The following DMBT1 variants were observed in gnomAD, a reference collection of about 807,000 sequenced individuals.
The protein encoded by DMBT1 is scavenger receptor cysteine-rich domain-containing protein DMBT1.
DMBT1 carries 198 observed loss-of-function variants against 252.9 expected under a neutral mutation model. The observed-to-expected ratio is 0.78, with a 90% CI of 0.70 to 0.88. The LOEUF (loss-of-function observed/expected upper bound fraction) is 0.88. Among genes scored for constraint, DMBT1 ranks in the 40% least tolerant of loss-of-function variants. The probability of loss-of-function intolerance (pLI) is 0.00; values close to 1 mark genes in which losing one functional copy is unlikely to be tolerated. For missense variants in DMBT1, 2,432 were observed against 2,404.7 expected (o/e 1.01, Z -0.24); for synonymous variants, 990 against 942.7 (o/e 1.05, Z -0.92).
intron 7 of DMBT1, 22 bp from the exon 8 acceptor site, chr10:122,577,789 T>C (rs748940652): frequency 3.1e-6 from 5 of 1,613,448 alleles, no homozygotes; most frequent in Non-Finnish European, 4.2e-6. Flanking sequence ...TGGTGTCTAA[T>C]GTTGCTATTT....
intron 27 of DMBT1, 142 bp downstream of exon 27, chr10:122,600,235 G>A: frequency 7.8e-7 from 1 of 1,285,620 alleles, no homozygotes; most frequent in Non-Finnish European, 1.1e-6. Context: ...TTGTGTAACT[G>A]AGACCCCAGC....
intron 46 of DMBT1, 77 bp downstream of exon 46, chr10:122,626,042 C>T: frequency 8.3e-7 from 1 of 1,206,686 alleles, no homozygotes; most frequent in Non-Finnish European, 1.2e-6. Flanking sequence ...TGAGCGAATG[C>T]TCTGCCCCAC....
At chr10:122,561,970 T>A (rs1211571221) in intron 1 of DMBT1, among the ~76,000 whole-genome samples, 1 of 152,024 alleles carries the variant, frequency 6.6e-6, no homozygotes, top group Non-Finnish European at 1.5e-5. Flanking sequence ...TCTCTCTATC[T>A]GTTTCTCTTC....
chr10:122,631,995 T>A, intron 50 of DMBT1, 120 bp downstream of exon 50: 1 of 1,170,904 alleles, frequency 8.5e-7, no homozygotes, highest in Non-Finnish European at 1.3e-6. Context: ...TACCATCCTC[T>A]ACAGCCCCTG....
chr10:122,570,938 G>A lies in DMBT1; in HGVS notation c.187+1G>A. On this transcript the variant is annotated splice_donor_variant, in intron 4 of 55. Transcript: ENST00000338354. LOFTEE classifies it high-confidence loss of function. Reference sequence around the variant, plus strand: ...ACCCTGGAGTCAACTGTAGCAGAAGGTAACGTCTACTATGGGGGATCCCTG... The same window carrying A: ...ACCCTGGAGTCAACTGTAGCAGAAGATAACGTCTACTATGGGGGATCCCTG... 6.2e-7 allele frequency: 1 copy of A among 1,613,020 alleles called. No homozygotes were observed. The highest frequency in any genetic ancestry group is 8.5e-7 in the Non-Finnish European group (1 of 1,179,054).
intron 16 of DMBT1, 83 bp downstream of exon 16, chr10:122,586,466 A>C: frequency 1.3e-6 from 2 of 1,533,212 alleles, no homozygotes; most frequent in Non-Finnish European, 1.8e-6. Context: ...CTCCTCACTT[A>C]GAGCTTTTTC....
intron 2 of DMBT1, among the ~76,000 whole-genome samples, chr10:122,569,653 A>G (rs916139730): frequency 2.0e-5 from 3 of 152,196 alleles, no homozygotes; most frequent in Admixed American, 6.5e-5. Flanking sequence ...TGATAATCCA[A>G]CCAGCAAGTG....
At chr10:122,570,092 AG>A in intron 2 of DMBT1, 69 bp from the exon 3 acceptor site, 3 of 1,379,752 alleles carry the variant, frequency 2.2e-6, no homozygotes. Flanking sequence ...TTGAGAGCTG[AG>A]GAAGCCAGGG....
chr10:122,633,480 C>T lies in DMBT1; in HGVS notation c.6548+139C>T, dbSNP rs185253417. ...GAGGGAATAAATGGTGCTTAGAAAGCCAGGAGAGAAGTTTGCTGAGAGACA... is the reference window on the plus strand; with the variant it reads ...GAGGGAATAAATGGTGCTTAGAAAGTCAGGAGAGAAGTTTGCTGAGAGACA... On this transcript the variant is annotated intron_variant, in intron 52 of 55. Transcript: ENST00000338354. 3.2e-4 allele frequency: 458 copies of T among 1,429,036 alleles called. 2 individuals carry two copies. The highest frequency in any genetic ancestry group is 2.9e-3 in the African/African-American group (201 of 69,920). 88.5% of individuals were successfully genotyped at this position (1,429,036 alleles called of 1,614,324 possible).
chr10:122,632,767 A>G (rs41317030), intron 50 of DMBT1, 94 bp from the exon 51 acceptor site: 105,842 of 1,528,422 alleles, frequency 0.069, 4,292 homozygotes, highest in South Asian at 0.15. Flanking sequence ...CTGTGGACTC[A>G]GGCTTGGCAC....
At chr10:122,589,887 A>C (rs897626296) in intron 17 of DMBT1, among the ~76,000 whole-genome samples, 5 of 148,596 alleles carry the variant, frequency 3.4e-5, no homozygotes, top group African/African-American at 1.2e-4. Context: ...ATGGCACATC[A>C]GGCCTCACCT....
intron 2 of DMBT1, 54 bp downstream of exon 2, chr10:122,566,050 G>A (rs1026647168): frequency 3.2e-6 from 5 of 1,571,388 alleles, no homozygotes; most frequent in Non-Finnish European, 4.4e-6. Context: ...GTTCTCCTCT[G>A]CTACTGTTGG....
intron 44 of DMBT1, among the ~76,000 whole-genome samples, chr10:122,623,587 T>A (rs1225677441): frequency 6.6e-6 from 1 of 152,272 alleles, no homozygotes; most frequent in Non-Finnish European, 1.5e-5. Flanking sequence ...TTTTTCATCA[T>A]GGCCATCCTA....
At chr10:122,578,573 AC>A in intron 8 of DMBT1, 144 bp from the exon 9 acceptor site, 1 of 699,986 alleles carries the variant, frequency 1.4e-6, no homozygotes, top group South Asian at 1.7e-5. Flanking sequence ...TGGGCAGGAG[AC>A]CTGGGCAGAC....
intron 1 of DMBT1, among the ~76,000 whole-genome samples, chr10:122,564,710 G>T (rs1227940475): frequency 4.6e-5 from 7 of 151,776 alleles, no homozygotes; most frequent in Non-Finnish European, 7.4e-5. Flanking sequence ...ATCGAAGTGT[G>T]TAAGAGTACT....
chr10:122,630,070 T>C, intron 47 of DMBT1, 77 bp downstream of exon 47: 1 of 1,576,070 alleles, frequency 6.3e-7, no homozygotes, highest in Non-Finnish European at 8.6e-7. Context: ...TGTCCTGGGC[T>C]GGGATGCTTT....
Position 122,580,837 on chromosome 10 carries a change from G to C in DMBT1, c.1004-29G>C, listed in dbSNP as rs191357371. 1.5e-4 allele frequency: 242 copies of C among 1,613,646 alleles called. 3 individuals carry two copies. The East Asian group carries it at 4.4e-3, about 30-fold the overall frequency. On this transcript the variant is annotated intron_variant, in intron 10 of 55. Transcript: ENST00000338354. Reference sequence around the variant, plus strand: ...TTGCCGACTTCTGTGTAATGTTCCTGATCTGACCTTCTCTTCTCTTTCTCA... The same window carrying C: ...TTGCCGACTTCTGTGTAATGTTCCTCATCTGACCTTCTCTTCTCTTTCTCA...
At chr10:122,574,360 C>T (rs1229597795) in intron 6 of DMBT1, among the ~76,000 whole-genome samples, 5 of 152,168 alleles carry the variant, frequency 3.3e-5, no homozygotes, top group African/African-American at 9.6e-5. Flanking sequence ...AAGTCACTTC[C>T]CATTTCCCAT....
chr10:122,570,830 G>T, intron 3 of DMBT1, 60 bp from the exon 4 acceptor site: 3 of 1,585,778 alleles, frequency 1.9e-6, no homozygotes, highest in Admixed American at 1.7e-5. Context: ...CGAAGCCATG[G>T]ACCAACCCTC....
Sources: gnomAD v4.1 joint callset for allele counts (sites outside exome capture counted in the v4.1 genomes callset) on GRCh38, gnomAD v4.1.1 for gene constraint, MANE v1.5 for transcripts, NCBI Gene and HGNC (gene_info 2026-07-23, HGNC 2026-07-21) for gene names.